Variants in HYDIN observed in about 807,000 individuals in gnomAD.
The protein encoded by HYDIN is axonemal central pair apparatus protein HYDIN.
In HYDIN, 132 loss-of-function variants were observed where a neutral mutation model predicts 403.9. The ratio of observed to expected loss-of-function variants is 0.33; its 90% CI spans 0.28 to 0.38. HYDIN has a LOEUF of 0.38. Ranked by LOEUF, HYDIN falls within the 10% of genes least tolerant of loss-of-function variation. The pLI is 1.00. For missense variants in HYDIN, 2,827 were observed against 5,009.5 expected (o/e 0.56, Z 13.15); for synonymous variants, 1,202 against 1,891.7 (o/e 0.64, Z 9.46).
At chr16:70,828,559 C>T (rs1257344390) in intron 81 of HYDIN, 130 bp from the exon 82 acceptor site, 7 of 516,668 alleles carry the variant, frequency 1.4e-5, no homozygotes, top group Non-Finnish European at 2.4e-5. Flanking sequence ...CTTTTGAAGA[C>T]ATCTTGGTGA....
chr16:70,830,925 G>T (rs2036937435), intron 80 of HYDIN, among the ~76,000 whole-genome samples: 2 of 151,872 alleles, frequency 1.3e-5, no homozygotes, highest in African/African-American at 4.8e-5. Flanking sequence ...TGCAGATAAA[G>T]ATTTGGGAGT....
chr16:70,897,801 G>A (rs114199194), intron 53 of HYDIN, among the ~76,000 whole-genome samples: 4,818 of 152,228 alleles, frequency 0.032, 222 homozygotes, highest in African/African-American at 0.11. Flanking sequence ...GGAGTTCCAC[G>A]CTGCTTTGTT....
intron 1 of HYDIN, among the ~76,000 whole-genome samples, chr16:71,226,000 A>G (rs1034910030): frequency 7.2e-5 from 11 of 152,208 alleles, no homozygotes; most frequent in African/African-American, 1.9e-4. Flanking sequence ...AAATTAATCT[A>G]TACTCCAATG....
rs1176319889 is a variant in HYDIN, at chr16:71,063,929, C to A, written c.2211+776G>T. Among the ~76,000 whole-genome samples, 4 of 147,314 alleles carry A rather than the reference C, an allele frequency of 2.7e-5. No individual in the cohort carries two copies. The East Asian group carries it at 7.8e-4, about 29-fold the overall frequency. On this transcript the variant is annotated intron_variant, in intron 16 of 85. Coordinates refer to ENST00000393567, the MANE Select transcript of HYDIN (RefSeq NM_001270974.2). ...GACCAGCAGCTATCACCTTCCTTTACCTAAAGGTGGTAATTCTCTGCGGCA... is the reference window on the plus strand; with the variant it reads ...GACCAGCAGCTATCACCTTCCTTTAACTAAAGGTGGTAATTCTCTGCGGCA...
chr16:70,870,404 A>G (rs995378856), intron 65 of HYDIN, among the ~76,000 whole-genome samples: 5 of 151,852 alleles, frequency 3.3e-5, no homozygotes, highest in Non-Finnish European at 7.4e-5. Flanking sequence ...GGAGGAAAAA[A>G]TGGTTTTGTG....
chr16:70,913,271 AG>A (rs763479510), intron 47 of HYDIN, among the ~76,000 whole-genome samples: 24 of 152,226 alleles, frequency 1.6e-4, no homozygotes, highest in Non-Finnish European at 2.9e-4. Flanking sequence ...GTGGGCATTT[AG>A]GGCTGTGAAC....
At chr16:70,851,202 G>A (rs74335923) in intron 73 of HYDIN, among the ~76,000 whole-genome samples, 70 of 45,734 alleles carry the variant, frequency 1.5e-3, no homozygotes, top group African/African-American at 0.011. Context: ...AATCAATCCT[G>A]CAAAAAAAAA....
Position 70,943,965 on chromosome 16 carries a change from A to T in HYDIN, c.6532-16T>A, listed in dbSNP as rs1362110968. The T allele has an allele frequency of 2.2e-5, 34 of 1,574,378 alleles. No homozygotes were observed. The East Asian group carries it at 7.7e-4, about 36-fold the overall frequency. ...TGGAGGAAATCTGTTGAGTGGGAGAAGGATCAGGAGTCAGAATCTGGCCTT... is the reference window on the plus strand; with the variant it reads ...TGGAGGAAATCTGTTGAGTGGGAGATGGATCAGGAGTCAGAATCTGGCCTT... On this transcript the variant is annotated splice_polypyrimidine_tract_variant and intron_variant, in intron 41 of 85. Coordinates refer to ENST00000393567, the MANE Select transcript of HYDIN (RefSeq NM_001270974.2).
chr16:70,969,675 C>T (rs924711603), intron 36 of HYDIN, among the ~76,000 whole-genome samples: 11 of 151,974 alleles, frequency 7.2e-5, no homozygotes, highest in Non-Finnish European at 1.2e-4. Flanking sequence ...GAAATCTTGG[C>T]GTATCAGAAA....
At chr16:71,229,746 G>C (rs1476301448) in intron 1 of HYDIN, among the ~76,000 whole-genome samples, 1 of 152,210 alleles carries the variant, frequency 6.6e-6, no homozygotes, top group African/African-American at 2.4e-5. Context: ...AAGTGGGGAA[G>C]GGGCATTGAC....
intron 29 of HYDIN, among the ~76,000 whole-genome samples, chr16:70,979,726 G>A (rs1279510454): frequency 1.3e-5 from 2 of 152,192 alleles, no homozygotes; most frequent in Non-Finnish European, 2.9e-5. Flanking sequence ...GAGCTCAGGA[G>A]TTCAAGACCA....
chr16:71,217,789 C>T (rs1357475274), intron 1 of HYDIN, among the ~76,000 whole-genome samples: 2 of 152,162 alleles, frequency 1.3e-5, no homozygotes, highest in Admixed American at 6.5e-5. Context: ...GTTTCATCTG[C>T]GAACAGATCA....
chr16:71,227,648 C>T lies in HYDIN; in HGVS notation c.-24+2914G>A, dbSNP rs550349003. 2.3e-3 allele frequency among the ~76,000 whole-genome samples: 346 copies of T among 152,274 alleles called. 3 individuals are homozygous for T. In the Middle Eastern group the frequency reaches 0.031, roughly 13 times the overall value. On this transcript the variant is annotated intron_variant, in intron 1 of 85. Transcript: ENST00000393567. ...CTTCAAGGAGAAGTACAAACCACTG[C>T]TCAACGAAATAAAAGAGGACACAAA...
chr16:70,829,389 A>G (rs1772396031), intron 81 of HYDIN, among the ~76,000 whole-genome samples: 1 of 149,750 alleles, frequency 6.7e-6, no homozygotes, highest in African/African-American at 2.5e-5. Flanking sequence ...GTGCACCACC[A>G]TGCCTGGCTA....
rs2078205855 is a variant in HYDIN, at chr16:70,955,512, T to C, written c.6179A>G (p.Tyr2060Cys). ...SANAVSVAKY[Y>C]NAACLSIDSI... ...GTCGATGCTCAGGCAGGCTGCGTTG[T>C]AGTACTTGGCCACGCTAACGGCATT... Residue 2060 changes from tyrosine to cysteine, a missense_variant, in exon 40 of 86, where the codon TAC (tyrosine) becomes TGC (cysteine). Transcript: ENST00000393567. The C allele has an allele frequency of 6.4e-7, 1 of 1,568,506 alleles. No individual in the cohort carries two copies. Among genetic ancestry groups the C allele is most frequent in the Admixed American group, 1.8e-5 (1 of 56,150 alleles).
At chr16:71,008,413 A>T (rs1001044428) in intron 23 of HYDIN, among the ~76,000 whole-genome samples, 1 of 152,216 alleles carries the variant, frequency 6.6e-6, no homozygotes, top group Non-Finnish European at 1.5e-5. Context: ...ACATGTAATG[A>T]GTTAGAATGA....
At chr16:70,808,978 C>T (rs1039790845) in intron 85 of HYDIN, among the ~76,000 whole-genome samples, 2 of 152,200 alleles carry the variant, frequency 1.3e-5, no homozygotes, top group Non-Finnish European at 2.9e-5. Context: ...CTGGTGTCAG[C>T]GAGCTGCCAT....
chr16:71,071,417 T>C (rs2082465485), intron 13 of HYDIN, among the ~76,000 whole-genome samples: 1 of 151,966 alleles, frequency 6.6e-6, no homozygotes, highest in Non-Finnish European at 1.5e-5. Context: ...CTATTCTATC[T>C]ACAGTTCCAC....
chr16:71,085,767 A>C (rs1164406148), intron 12 of HYDIN, among the ~76,000 whole-genome samples: 3 of 150,232 alleles, frequency 2.0e-5, no homozygotes, highest in East Asian at 3.9e-4. Flanking sequence ...TATAACATAG[A>C]CTCTCCAGCT....
Sources: gnomAD v4.1 joint callset for allele counts (sites outside exome capture counted in the v4.1 genomes callset) on GRCh38, gnomAD v4.1.1 for gene constraint, MANE v1.5 for transcripts, NCBI Gene and HGNC (gene_info 2026-07-23, HGNC 2026-07-21) for gene names.